DMRT1: variants seen among roughly 807,000 people sequenced by gnomAD.
The protein encoded by DMRT1 is doublesex and mab-3 related transcription factor 1.
A neutral mutation model predicts 32.3 loss-of-function variants in DMRT1; 7 were observed. That is an observed-to-expected ratio of 0.22 (90% confidence interval 0.12 to 0.41). The LOEUF (loss-of-function observed/expected upper bound fraction) is 0.41, where lower values mean the gene tolerates loss of function less well. Ranked by LOEUF, DMRT1 falls within the 10% of genes least tolerant of loss-of-function variation. The probability of loss-of-function intolerance (pLI) is 1.00; values close to 1 mark genes in which losing one functional copy is unlikely to be tolerated. For missense variants in DMRT1, 625 were observed against 500.5 expected, an observed-to-expected ratio of 1.25 and a Z score of -2.37; for synonymous variants, 278 against 206.1, an observed-to-expected ratio of 1.35 and a Z score of -2.99.
At chr9:905,133 T>G (rs1817723410) in intron 3 of DMRT1, among the ~76,000 whole-genome samples, 2 of 152,262 alleles carry the variant, frequency 1.3e-5, no homozygotes, top group South Asian at 4.1e-4. Context: ...TTTAGTGGAT[T>G]TTATTTTTAA....
At chr9:852,272 C>A (rs1815176754) in intron 2 of DMRT1, among the ~76,000 whole-genome samples, 2 of 138,746 alleles carry the variant, frequency 1.4e-5, no homozygotes, top group Admixed American at 1.5e-4. Flanking sequence ...AGTTTATTCC[C>A]AGCCATTTTT....
rs56390211 is a variant in DMRT1, at chr9:871,499, AT to A, written c.539-22390del. Among the ~76,000 whole-genome samples the A allele has an allele frequency of 7.4e-3, 851 of 115,044 alleles. 11 individuals carry two copies. Among genetic ancestry groups the A allele is most frequent in the African/African-American group, 0.019 (569 of 29,490 alleles). The allele number at this position is 115,044 out of a possible 152,430, so 75.5% of individuals were successfully genotyped here. On this transcript the variant is annotated intron_variant, in intron 2 of 4. Coordinates refer to ENST00000382276, the MANE Select transcript of DMRT1 (RefSeq NM_021951.3). The stretch of plus-strand genomic sequence containing the variant: ...AGGCATGCGCCACCACGCCCGGCTA[AT>A]TTTTTTTTTTTTTTTTTTTTTTGGT...
At chr9:959,709 G>T (rs767777150) in intron 4 of DMRT1, among the ~76,000 whole-genome samples, 1 of 119,964 alleles carries the variant, frequency 8.3e-6, no homozygotes, top group South Asian at 3.3e-4. Flanking sequence ...TGTATTTCCA[G>T]TAGAGATGGG....
chr9:862,640 A>G lies in DMRT1; in HGVS notation c.538+15497A>G, dbSNP rs181315201. On this transcript the variant is annotated intron_variant, in intron 2 of 4. Transcript: ENST00000382276. Reference sequence around the variant, plus strand: ...GGAAGGTCGTGCTGTTGTCCAGGTGAAAGGGAGAGCTGCTTAGGCTGGGGT... The same window carrying G: ...GGAAGGTCGTGCTGTTGTCCAGGTGGAAGGGAGAGCTGCTTAGGCTGGGGT... 1.7e-3 allele frequency among the ~76,000 whole-genome samples: 256 copies of G among 152,228 alleles called. 2 individuals are homozygous for G. Among genetic ancestry groups the G allele is most frequent in the African/African-American group, 6.0e-3 (249 of 41,566 alleles).
intron 2 of DMRT1, among the ~76,000 whole-genome samples, chr9:855,744 A>G (rs1815372322): frequency 6.6e-6 from 1 of 152,114 alleles, no homozygotes; most frequent in African/African-American, 2.4e-5. Flanking sequence ...TCAGTCCCCA[A>G]GTACCTTGGA....
chr9:870,709 C>CTCTTTTTTTT (rs1816206857), intron 2 of DMRT1, among the ~76,000 whole-genome samples: 9 of 69,562 alleles, frequency 1.3e-4, no homozygotes, highest in African/African-American at 5.9e-4. Flanking sequence ...ATTTTCTTGA[C>CTCTTTTTTTT]TTTTTTTTTT....
chr9:896,772 C>T (rs1001500064), intron 3 of DMRT1, among the ~76,000 whole-genome samples: 2 of 151,604 alleles, frequency 1.3e-5, no homozygotes, highest in Non-Finnish European at 2.9e-5. Flanking sequence ...GAGATCGCGC[C>T]ATTGTACTCC....
intron 2 of DMRT1, among the ~76,000 whole-genome samples, chr9:889,604 G>C (rs376754567): frequency 1.3e-5 from 2 of 152,162 alleles, no homozygotes; most frequent in Non-Finnish European, 2.9e-5. Flanking sequence ...CCATTCTCTT[G>C]TTACCTTCAG....
Position 841,938 on chromosome 9 carries a change from G to A in DMRT1, c.100G>A (p.Ala34Thr), listed in dbSNP as rs751483577. The change falls in exon 1 of 5, where the codon GCG becomes ACG. Residue 34 changes from alanine to threonine, a missense_variant. By Grantham distance (58) the Ala-to-Thr change is moderately conservative. Coordinates refer to ENST00000382276, the MANE Select transcript of DMRT1 (RefSeq NM_021951.3). ...GGGCAGAGCCGGGGGCTTTGGCAAA[G>A]CGTCTGGGGCGCTAGTGGGGGCGGC... Reference protein sequence around the residue: ...PQGRAGGFGKASGALVGAASG... With the variant: ...PQGRAGGFGKTSGALVGAASG... The A allele has an allele frequency of 1.2e-5, 19 of 1,602,184 alleles. No individual in the cohort carries two copies. The highest frequency in any genetic ancestry group is 1.6e-5 in the Non-Finnish European group (19 of 1,174,814).
intron 2 of DMRT1, among the ~76,000 whole-genome samples, chr9:858,700 C>G (rs1462571074): frequency 6.6e-6 from 1 of 151,782 alleles, no homozygotes; most frequent in African/African-American, 2.4e-5. Context: ...ATGGCGAATC[C>G]CTGTCTCTAC....
At chr9:867,758 G>A (rs1165787019) in intron 2 of DMRT1, among the ~76,000 whole-genome samples, 2 of 152,170 alleles carry the variant, frequency 1.3e-5, no homozygotes, top group African/African-American at 2.4e-5. Context: ...TAGGTGGCCA[G>A]GTGGTTTGTA....
intron 2 of DMRT1, among the ~76,000 whole-genome samples, chr9:860,244 C>T (rs1180561242): frequency 1.3e-5 from 2 of 152,086 alleles, no homozygotes; most frequent in Admixed American, 6.6e-5. Context: ...TTGCAGGGAG[C>T]CGAGATCGTG....
chr9:858,483 T>C (rs576676908), intron 2 of DMRT1, among the ~76,000 whole-genome samples: 20 of 152,238 alleles, frequency 1.3e-4, no homozygotes, highest in African/African-American at 4.1e-4. Context: ...CTACTTACTT[T>C]TGGAGTCTTG....
intron 2 of DMRT1, among the ~76,000 whole-genome samples, chr9:855,381 C>G (rs543623508): frequency 4.6e-5 from 7 of 152,286 alleles, no homozygotes; most frequent in African/African-American, 1.7e-4. Flanking sequence ...CTGTGTCTCC[C>G]TTGTGAAAAT....
In DMRT1 at chr9:933,123, A is replaced by G. The variant is rs1178912923; in HGVS notation, c.967+16216A>G. On this transcript the variant is annotated intron_variant, in intron 4 of 4. Coordinates refer to ENST00000382276, the MANE Select transcript of DMRT1 (RefSeq NM_021951.3). Reference sequence around the variant, plus strand: ...AGATGGGGTTTCACCATGTTGGCCAAGCTGGTCTTGAAGTCCTGACCTCAG... The same window carrying G: ...AGATGGGGTTTCACCATGTTGGCCAGGCTGGTCTTGAAGTCCTGACCTCAG... Among the ~76,000 whole-genome samples the G allele has an allele frequency of 2.0e-5, 3 of 152,168 alleles. No homozygotes were observed. The East Asian group carries it at 5.8e-4, about 29-fold the overall frequency.
In DMRT1 at chr9:890,212, G is replaced by C. The variant is rs531436190; in HGVS notation, c.539-3700G>C. Among the ~76,000 whole-genome samples, 6 of 150,832 alleles carry C rather than the reference G, an allele frequency of 4.0e-5. No individual in the cohort carries two copies. The East Asian group carries it at 1.2e-3, about 30-fold the overall frequency. On this transcript the variant is annotated intron_variant, in intron 2 of 4. Coordinates refer to ENST00000382276, the MANE Select transcript of DMRT1 (RefSeq NM_021951.3). ...GCCGCCCGCCTCAGCCTCCCAAAGT[G>C]CTGGGATTACAGGCGTGAGCCACCG...
At chr9:960,607 G>A (rs1431416846) in intron 4 of DMRT1, among the ~76,000 whole-genome samples, 2 of 152,222 alleles carry the variant, frequency 1.3e-5, no homozygotes, top group South Asian at 2.1e-4. Context: ...TGAGGTGCCA[G>A]TGTGGATGGC....
At chr9:925,076 C>A (rs1818477375) in intron 4 of DMRT1, among the ~76,000 whole-genome samples, 1 of 152,170 alleles carries the variant, frequency 6.6e-6, no homozygotes, top group Admixed American at 6.5e-5. Context: ...GTCACACTTA[C>A]TCATGTAAGG....
At chr9:920,196 G>A (rs1019486735) in intron 4 of DMRT1, among the ~76,000 whole-genome samples, 1 of 152,106 alleles carries the variant, frequency 6.6e-6, no homozygotes, top group South Asian at 2.1e-4. Flanking sequence ...CAGTGCATAG[G>A]TTTATTTGAA....
Sources: allele counts gnomAD v4.1 joint callset (sites outside exome capture counted in the v4.1 genomes callset), GRCh38; gene constraint gnomAD v4.1.1; transcripts MANE v1.5; gene names NCBI Gene and HGNC (gene_info 2026-07-23, HGNC 2026-07-21).